The following STK3 variants were observed in gnomAD, a reference collection of about 807,000 sequenced individuals.
The protein encoded by STK3 is serine/threonine kinase 3, also known as serine/threonine-protein kinase 3.
STK3 carries 41 observed loss-of-function variants against 58.0 expected under a neutral mutation model. That is an observed-to-expected ratio of 0.71 (90% CI 0.55 to 0.92). The LOEUF (loss-of-function observed/expected upper bound fraction) is 0.92. STK3 is among the 40% of genes least tolerant of loss of function. STK3 has a pLI of 0.00. For missense variants in STK3, 479 were observed against 602.7 expected, an observed-to-expected ratio of 0.79 and a Z score of 2.15; for synonymous variants, 170 against 191.0, an observed-to-expected ratio of 0.89 and a Z score of 0.91.
chr8:98,730,715 CAAAAAA>C (rs36085293), intron 4 of STK3, among the ~76,000 whole-genome samples: 2 of 66,382 alleles, frequency 3.0e-5, no homozygotes, highest in Non-Finnish European at 5.7e-5. Flanking sequence ...GACTCCGTCT[CAAAAAA>C]AAAAAAAAAA....
chr8:98,408,859 G>A (rs2131037395), intron 3 of STK3, among the ~76,000 whole-genome samples: 1 of 152,250 alleles, frequency 6.6e-6, no homozygotes, highest in East Asian at 1.9e-4. Context: ...CACAGCTTTG[G>A]CCATTTTTCT....
At position 98,858,697 on chromosome 8, in the gene STK3, T is replaced by G. The variant is rs1186267380; in HGVS notation, c.110+24950A>C. Among the ~76,000 whole-genome samples, 12 of 151,662 alleles carry G rather than the reference T, an allele frequency of 7.9e-5. 1 individual carries two copies. Among genetic ancestry groups the G allele is most frequent in the Middle Eastern group, 3.4e-3 (1 of 294 alleles). On this transcript the variant is annotated intron_variant, in intron 3 of 12. Coordinates refer to the STK3 transcript ENST00000523601. Reference sequence around the variant, plus strand: ...TCAAAAGGTCAAGCGATCAAGACCATCCTGGCCAACATGGTGAAATCCTGT... The same window carrying G: ...TCAAAAGGTCAAGCGATCAAGACCAGCCTGGCCAACATGGTGAAATCCTGT...
downstream of STK3, among the ~76,000 whole-genome samples, chr8:98,368,019 T>C (rs766008135): frequency 1.2e-4 from 19 of 152,262 alleles, no homozygotes; most frequent in South Asian, 4.1e-4. Flanking sequence ...CGCTGTGTCA[T>C]TGACAGCTCT....
At chr8:98,699,887 C>T (rs1488351818) in intron 6 of STK3, among the ~76,000 whole-genome samples, 1 of 152,202 alleles carries the variant, frequency 6.6e-6, no homozygotes, top group African/African-American at 2.4e-5. Flanking sequence ...CCACTGCTCT[C>T]TTCAAAGCTG....
In STK3 at chr8:98,757,616, A is replaced by T. The variant is rs1400918102; in HGVS notation, c.237-8226T>A. ...TCTCAAAGAAAAAAAAAAAAAAAAA[A>T]GCCTACCAATAGGCTCAGACAGTTC... On this transcript the variant is annotated intron_variant, in intron 3 of 10. Transcript: ENST00000419617. 6.6e-5 allele frequency among the ~76,000 whole-genome samples: 10 copies of T among 150,732 alleles called. No individual in the cohort carries two copies. The East Asian group carries it at 1.6e-3, about 24-fold the overall frequency.
intron 1 of STK3, among the ~76,000 whole-genome samples, chr8:98,822,628 G>A (rs1274847721): frequency 6.6e-6 from 1 of 152,170 alleles, no homozygotes; most frequent in Non-Finnish European, 1.5e-5. Context: ...TTTGATGGAA[G>A]AATAAAACAT....
chr8:98,900,548 A>G, intron 1 of STK3, among the ~76,000 whole-genome samples: 2 of 152,314 alleles, frequency 1.3e-5, no homozygotes, highest in South Asian at 4.1e-4. Context: ...TATTTACAGT[A>G]TACAACTTGA....
chr8:98,597,335 T>C, intron 6 of STK3: 1 of 985,420 alleles, frequency 1.0e-6, no homozygotes, highest in Non-Finnish European at 1.2e-6. Context: ...AGAGTCAATC[T>C]TTTTACCAGT....
intron 9 of STK3, among the ~76,000 whole-genome samples, chr8:98,532,496 G>C (rs1241169663): frequency 6.6e-6 from 1 of 152,114 alleles, no homozygotes; most frequent in Non-Finnish European, 1.5e-5. Flanking sequence ...TGATGAAAAG[G>C]TTTGAAATAT....
At chr8:98,664,904 TA>T (rs777614487) in intron 6 of STK3, among the ~76,000 whole-genome samples, 536 of 141,850 alleles carry the variant, frequency 3.8e-3, no homozygotes, top group Middle Eastern at 7.1e-3. Context: ...CCGTCTCAAT[TA>T]AAAAAAAAAA....
chr8:98,520,263 T>C (rs1285035493), intron 10 of STK3, among the ~76,000 whole-genome samples: 2 of 152,172 alleles, frequency 1.3e-5, no homozygotes, highest in African/African-American at 4.8e-5. Context: ...AGCCCAAATA[T>C]ATTTTATCTC....
intron 3 of STK3, among the ~76,000 whole-genome samples, chr8:98,409,613 C>T (rs923022834): frequency 3.9e-5 from 6 of 152,216 alleles, no homozygotes; most frequent in Non-Finnish European, 5.9e-5. Context: ...ACCCAGCTAC[C>T]GCACCTTGCA....
At position 98,934,985 on chromosome 8, in the gene STK3, C is replaced by T. The variant is rs1401708087; in HGVS notation, c.-79+7393G>A. 5.3e-5 allele frequency among the ~76,000 whole-genome samples: 8 copies of T among 151,682 alleles called. No homozygotes were observed. In the East Asian group the frequency reaches 1.5e-3, roughly 29 times the overall value. On this transcript the variant is annotated intron_variant, in intron 1 of 1. Coordinates refer to the STK3 transcript ENST00000519420. ...ATAAAGAGCAAAGCACAAGCCTAGA[C>T]ATCCTATGGCTAAAACTGTTGGTTG...
At chr8:98,827,739 C>T (rs1262669750), upstream of STK3, among the ~76,000 whole-genome samples, 1 of 152,126 alleles carries the variant, frequency 6.6e-6, no homozygotes, top group African/African-American at 2.4e-5. Context: ...ACTGCAGCCT[C>T]AACCTCCCGG....
intron 4 of STK3, among the ~76,000 whole-genome samples, chr8:98,749,023 A>G (rs113489223): frequency 1.2e-3 from 190 of 152,072 alleles, no homozygotes; most frequent in African/African-American, 4.4e-3. Context: ...GAAGAAGAGA[A>G]GTACCATGGT....
chr8:98,443,016 C>G (rs1314828538), intron 1 of STK3, among the ~76,000 whole-genome samples: 2 of 151,406 alleles, frequency 1.3e-5, no homozygotes, highest in Non-Finnish European at 2.9e-5. Flanking sequence ...AACAAAAAAC[C>G]CAGACTCTGT....
At chr8:98,689,952 C>A (rs1339896961) in intron 6 of STK3, among the ~76,000 whole-genome samples, 1 of 152,118 alleles carries the variant, frequency 6.6e-6, no homozygotes, top group Non-Finnish European at 1.5e-5. Context: ...ACCATATAAT[C>A]ATCTCAATAG....
chr8:98,415,261 G>A (rs1404471937), intron 3 of STK3, among the ~76,000 whole-genome samples: 1 of 152,154 alleles, frequency 6.6e-6, no homozygotes, highest in African/African-American at 2.4e-5. Context: ...GAATTATGAC[G>A]AATTTCTGTT....
At chr8:98,344,123 A>G in the STK3 span, among the ~76,000 whole-genome samples, 1 of 152,210 alleles carries the variant, frequency 6.6e-6, no homozygotes, top group African/African-American at 2.4e-5. Context: ...GATTTTGGAA[A>G]GAGACTGGGC....
Sources: gnomAD v4.1 joint callset for allele counts (sites outside exome capture counted in the v4.1 genomes callset) on GRCh38, gnomAD v4.1.1 for gene constraint, MANE v1.5 for transcripts, NCBI Gene and HGNC (gene_info 2026-07-23, HGNC 2026-07-21) for gene names.